Variants in ETV5 observed in about 807,000 individuals in gnomAD.
ETV5 encodes the protein ETS translocation variant 5.
Under a neutral mutation model 70.0 loss-of-function variants are expected in ETV5, and 10 were observed. The ratio of observed to expected loss-of-function variants is 0.14; its 90% CI spans 0.09 to 0.24. ETV5 has a LOEUF of 0.24. Ranked by LOEUF, ETV5 falls within the 10% of genes least tolerant of loss-of-function variation. The probability of loss-of-function intolerance (pLI) is 1.00; values close to 1 mark genes in which losing one functional copy is unlikely to be tolerated. For synonymous variants in ETV5, 216 were observed against 242.2 expected (o/e 0.89, Z 1.01); for missense variants, 453 against 651.2 (o/e 0.70, Z 3.31).
At chr3:186,059,196 A>G (rs192176744) in intron 9 of ETV5, among the ~76,000 whole-genome samples, 11 of 152,210 alleles carry the variant, frequency 7.2e-5, no homozygotes, top group African/African-American at 2.2e-4. Flanking sequence ...TGCACAACTG[A>G]GACTGCTTTG....
chr3:186,102,506 G>A (rs927079450), intron 5 of ETV5, among the ~76,000 whole-genome samples: 11 of 151,992 alleles, frequency 7.2e-5, no homozygotes, highest in Non-Finnish European at 1.6e-4. Flanking sequence ...GGTGGCAGGT[G>A]CCTGTAATCC....
chr3:186,094,320 A>G (rs1714253526), intron 5 of ETV5, among the ~76,000 whole-genome samples: 1 of 152,200 alleles, frequency 6.6e-6, no homozygotes, highest in African/African-American at 2.4e-5. Context: ...ACGATTATCT[A>G]TCACTGAATA....
chr3:186,105,976 G>C lies in ETV5; in HGVS notation c.-74-34C>G. 7.0e-7 allele frequency: 1 copy of C among 1,426,498 alleles called. No homozygotes were observed. The highest frequency in any genetic ancestry group is 9.6e-7 in the Non-Finnish European group (1 of 1,039,618). The allele number at this position is 1,426,498 out of a possible 1,614,324, so 88.4% of individuals were successfully genotyped here. A position where few individuals can be genotyped will look rare whatever the true frequency, so the allele number is the denominator to read the frequency against. ...TGAATTTGGGAGATTTTAACTAAGA[G>C]GGGGGAAAAAAAGAAATGAAACAAT... On this transcript the variant is annotated intron_variant, in intron 1 of 12. Transcript: ENST00000306376. This position sits in a 1 kb window ranked among gnomAD's most constrained non-coding sequence, Gnocchi z 4.5.
rs1560045368 is a variant in ETV5, at chr3:186,057,442, A to T, written c.1020T>A (p.Val340=). Residue 340 remains valine, a synonymous_variant, in exon 10 of 13, where the codon GTT becomes GTA. Coordinates refer to ENST00000306376, the MANE Select transcript of ETV5 (RefSeq NM_004454.3). The surrounding 1 kb of genome is among the most constrained non-coding windows in gnomAD (Gnocchi z 4.9). The stretch of plus-strand genomic sequence containing the variant: ...ACTTACCTTCCAGTCTCTCAGGCAC[A>T]ACACAAGTGTCGTCAAAGTATAATC... ...DPRLYFDDTC[V]VPERLEGKVK... 3 of 1,614,174 alleles carry T rather than the reference A, an allele frequency of 1.9e-6. No individual in the cohort carries two copies. Among genetic ancestry groups the T allele is most frequent in the Non-Finnish European group, 8.5e-7 (1 of 1,180,022 alleles).
At chr3:186,081,404 G>C (rs1713932012) in intron 5 of ETV5, among the ~76,000 whole-genome samples, 1 of 152,144 alleles carries the variant, frequency 6.6e-6, no homozygotes, top group Non-Finnish European at 1.5e-5. Context: ...AATTAGCCAA[G>C]TCTTTTTTCC....
At chr3:186,087,704 G>A (rs1436745249) in intron 5 of ETV5, among the ~76,000 whole-genome samples, 1 of 152,080 alleles carries the variant, frequency 6.6e-6, no homozygotes, top group Non-Finnish European at 1.5e-5. Flanking sequence ...CACAAGTACA[G>A]GCCTGTGGAC....
At chr3:186,068,549 G>T (rs1478745513) in intron 7 of ETV5, among the ~76,000 whole-genome samples, 1 of 152,214 alleles carries the variant, frequency 6.6e-6, no homozygotes, top group Non-Finnish European at 1.5e-5. Flanking sequence ...TCAGCTGTCA[G>T]ATAAATCCAG....
Position 186,064,462 on chromosome 3 carries a change from G to C in ETV5, c.925C>G (p.Gln309Glu), listed in dbSNP as rs779263596. Residue 309 changes from glutamine to glutamate, a missense_variant, in exon 9 of 13, where the codon CAG (glutamine) becomes GAG (glutamate). By Grantham distance (29) the Gln-to-Glu change is conservative. Around this residue, in one of 4 missense-constraint regions of ETV5, gnomAD observed 307 missense variants for 344.9 expected, o/e 0.89. Coordinates refer to ENST00000306376, the MANE Select transcript of ETV5 (RefSeq NM_004454.3). ...YCVDSEVPNC[Q>E]SSYMRGGYFS... Reference sequence around the variant, plus strand: ...TAACCCCCTCTCATGTAGGATGACTGGCAGTTAGGCACTTCTGAAAGGAAA... The same window carrying C: ...TAACCCCCTCTCATGTAGGATGACTCGCAGTTAGGCACTTCTGAAAGGAAA... 5 of 1,613,996 alleles carry C rather than the reference G, an allele frequency of 3.1e-6. No homozygotes were observed. The highest frequency in any genetic ancestry group is 1.3e-5 in the African/African-American group (1 of 74,878).
chr3:186,092,459 G>A (rs1191304716), intron 5 of ETV5, among the ~76,000 whole-genome samples: 2 of 151,962 alleles, frequency 1.3e-5, no homozygotes, highest in East Asian at 3.9e-4. Flanking sequence ...TTAGAGATAG[G>A]GTCTTGCTCT....
intron 7 of ETV5, among the ~76,000 whole-genome samples, chr3:186,077,151 C>T (rs1713815374): frequency 6.6e-6 from 1 of 152,182 alleles, no homozygotes; most frequent in Admixed American, 6.5e-5. Flanking sequence ...GCCTATGTCA[C>T]AGGGCGGTTA....
rs960935721 is a variant in ETV5, at chr3:186,054,117, G to T, written c.1210-1986C>A. Among the ~76,000 whole-genome samples the T allele has an allele frequency of 6.6e-6, 1 of 152,208 alleles. No homozygotes were observed. The highest frequency in any genetic ancestry group is 2.4e-5 in the African/African-American group (1 of 41,458). On this transcript the variant is annotated intron_variant, in intron 11 of 12. Transcript: ENST00000306376. The surrounding 1 kb of genome is among the most constrained non-coding windows in gnomAD (Gnocchi z 4.4). ...CATAGTTACTGACTCATCCTCCCGG[G>T]CCAGAGCCCTGTGATTCTGTAGCCC...
Position 186,047,805 on chromosome 3 carries a change from G to A in ETV5, c.*834C>T, listed in dbSNP as rs573326213. 1.7e-5 allele frequency: 4 copies of A among 232,958 alleles called. No individual in the cohort carries two copies. Among genetic ancestry groups the A allele is most frequent in the South Asian group, 3.6e-4 (2 of 5,512 alleles). 14.4% of individuals were successfully genotyped at this position (232,958 alleles called of 1,614,324 possible). The stretch of plus-strand genomic sequence containing the variant: ...GGTTTGTTTTTGTTTTTTGTTTTTC[G>A]TTTTTTTGCTTTAAATACCAAAACT... On this transcript the variant is annotated 3_prime_UTR_variant, in exon 13 of 13. Transcript: ENST00000306376.
intron 5 of ETV5, among the ~76,000 whole-genome samples, chr3:186,101,500 T>C (rs1714457541): frequency 6.6e-6 from 1 of 152,180 alleles, no homozygotes; most frequent in South Asian, 2.1e-4. Flanking sequence ...TTCCAAATCC[T>C]AGATGGAAAA....
chr3:186,064,179 A>C (rs1713378081), intron 9 of ETV5: 2 of 565,562 alleles, frequency 3.5e-6, no homozygotes, highest in African/African-American at 3.8e-5. Flanking sequence ...GGCATGCTTG[A>C]AACCCTGCGT....
At chr3:186,071,521 A>G (rs1346866567) in intron 7 of ETV5, among the ~76,000 whole-genome samples, 1 of 152,234 alleles carries the variant, frequency 6.6e-6, no homozygotes, top group Non-Finnish European at 1.5e-5. Flanking sequence ...AAATAAGGAC[A>G]GCCAGGATAC....
chr3:186,069,041 T>TG (rs1713523375), intron 7 of ETV5, among the ~76,000 whole-genome samples: 2 of 152,222 alleles, frequency 1.3e-5, no homozygotes, highest in South Asian at 4.1e-4. Context: ...AATCAATGTG[T>TG]GGGAACAGGT....
At chr3:186,078,697 C>T (rs1365403516) in intron 7 of ETV5, among the ~76,000 whole-genome samples, 2 of 152,102 alleles carry the variant, frequency 1.3e-5, no homozygotes, top group African/African-American at 4.8e-5. Context: ...GAGCCAGCCC[C>T]CCACAACCCC....
intron 7 of ETV5, among the ~76,000 whole-genome samples, chr3:186,070,785 A>G (rs1713613003): frequency 2.0e-5 from 3 of 152,238 alleles, no homozygotes. Context: ...TACATAATAC[A>G]GCTACAACAA....
chr3:186,058,520 G>A (rs1405549455), intron 9 of ETV5, among the ~76,000 whole-genome samples: 1 of 152,166 alleles, frequency 6.6e-6, no homozygotes, highest in Non-Finnish European at 1.5e-5. Flanking sequence ...TAATGCAGTG[G>A]GGGCAGGCAG....
Sources: allele counts gnomAD v4.1 joint callset (sites outside exome capture counted in the v4.1 genomes callset), GRCh38; gene constraint gnomAD v4.1.1; regional missense constraint gnomAD v4.1.1; non-coding constraint Gnocchi (gnomAD v3.1); transcripts MANE v1.5; gene names NCBI Gene and HGNC (gene_info 2026-07-23, HGNC 2026-07-21).